SEMA3A: variants seen among roughly 807,000 people sequenced by gnomAD.
SEMA3A encodes semaphorin 3A, also known as semaphorin-3A.
SEMA3A carries 29 observed loss-of-function variants against 97.9 expected under a neutral mutation model. The observed-to-expected ratio is 0.30, with a 90% CI of 0.22 to 0.40. SEMA3A has a LOEUF of 0.40. Among genes scored for constraint, SEMA3A ranks in the 10% least tolerant of loss-of-function variants. The pLI is 1.00. For synonymous variants in SEMA3A, 321 were observed against 323.7 expected, an observed-to-expected ratio of 0.99 and a Z score of 0.09; for missense variants, 763 against 951.3, an observed-to-expected ratio of 0.80 and a Z score of 2.60.
intron 1 of SEMA3A, among the ~76,000 whole-genome samples, chr7:84,410,101 CTG>C (rs139385299): frequency 6.6e-6 from 1 of 152,016 alleles, no homozygotes; most frequent in African/African-American, 2.4e-5. Flanking sequence ...AAATACAAGA[CTG>C]TTAATTGTTT....
chr7:83,984,766 C>T (rs1464658892), intron 13 of SEMA3A, among the ~76,000 whole-genome samples: 1 of 151,806 alleles, frequency 6.6e-6, no homozygotes, highest in East Asian at 1.9e-4. Context: ...AAGTGTCTTG[C>T]CAAAGCATCC....
chr7:84,268,499 T>C (rs115679654), intron 3 of SEMA3A, among the ~76,000 whole-genome samples: 185 of 152,176 alleles, frequency 1.2e-3, no homozygotes, highest in African/African-American at 4.3e-3. Flanking sequence ...CCTACTTCAG[T>C]AGAGCCTAAA....
rs749140707 is a variant in SEMA3A at position 84,001,934 on chromosome 7, T to A, written c.1452+21A>T. On this transcript the variant is annotated intron_variant, in intron 12 of 16. Coordinates refer to ENST00000265362, the MANE Select transcript of SEMA3A (RefSeq NM_006080.3). ...GACGTACAACTGAACTTGTTGACAC[T>A]TGAAATTAAGCAGCACTCACCCGAA... 20 of 1,561,616 alleles carry A rather than the reference T, an allele frequency of 1.3e-5. No homozygotes were observed. The Admixed American group carries it at 3.1e-4, about 24-fold the overall frequency.
intron 6 of SEMA3A, among the ~76,000 whole-genome samples, chr7:84,037,151 T>G (rs1412966295): frequency 1.4e-5 from 2 of 144,900 alleles, no homozygotes; most frequent in African/African-American, 5.1e-5. Context: ...GCTAAGTTTT[T>G]TTTCTTTTTT....
At chr7:84,358,705 T>G (rs1272543709) in intron 2 of SEMA3A, among the ~76,000 whole-genome samples, 1 of 152,148 alleles carries the variant, frequency 6.6e-6, no homozygotes, top group Non-Finnish European at 1.5e-5. Flanking sequence ...GGGATGGCAT[T>G]GAATCTATAA....
At chr7:84,303,923 C>T (rs1801089978) in intron 3 of SEMA3A, among the ~76,000 whole-genome samples, 1 of 151,948 alleles carries the variant, frequency 6.6e-6, no homozygotes, top group Non-Finnish European at 1.5e-5. Flanking sequence ...AGAATGTAAC[C>T]CCATTGTAAG....
At chr7:84,162,638 A>C (rs879781587) in intron 1 of SEMA3A, among the ~76,000 whole-genome samples, 4 of 152,200 alleles carry the variant, frequency 2.6e-5, no homozygotes, top group Non-Finnish European at 5.9e-5. Context: ...TCAAAACACA[A>C]GTAGCAGCTC....
At chr7:83,977,867 G>A (rs897391540) in intron 14 of SEMA3A, among the ~76,000 whole-genome samples, 3 of 147,782 alleles carry the variant, frequency 2.0e-5, no homozygotes, top group Non-Finnish European at 3.0e-5. Context: ...GCAGTGGCGT[G>A]ATCTCGGCTC....
intron 4 of SEMA3A, among the ~76,000 whole-genome samples, chr7:84,078,092 T>C (rs1373256022): frequency 6.6e-6 from 1 of 152,110 alleles, no homozygotes; most frequent in African/African-American, 2.4e-5. Flanking sequence ...GTCTTTAACA[T>C]ATGGAATTTG....
At chr7:84,103,209 A>C (rs1795008183) in intron 4 of SEMA3A, among the ~76,000 whole-genome samples, 1 of 152,018 alleles carries the variant, frequency 6.6e-6, no homozygotes, top group South Asian at 2.1e-4. Context: ...ATTTTTCTCT[A>C]TCTCAACCAC....
At chr7:84,117,002 T>C (rs1398038132) in intron 3 of SEMA3A, among the ~76,000 whole-genome samples, 2 of 152,202 alleles carry the variant, frequency 1.3e-5, no homozygotes, top group South Asian at 2.1e-4. Context: ...ACATACATGG[T>C]AACAGAATTT....
intron 1 of SEMA3A, among the ~76,000 whole-genome samples, chr7:84,438,461 G>A (rs1200417848): frequency 6.6e-6 from 1 of 152,062 alleles, no homozygotes; most frequent in African/African-American, 2.4e-5. Context: ...GCTACAGTAA[G>A]TATGGTAGTT....
At chr7:84,400,497 GA>G (rs1428897881) in intron 1 of SEMA3A, among the ~76,000 whole-genome samples, 1 of 152,032 alleles carries the variant, frequency 6.6e-6, no homozygotes, top group Non-Finnish European at 1.5e-5. Flanking sequence ...GAACAAAACT[GA>G]AAAATGCATT....
At chr7:84,023,298 C>A (rs1248930191) in intron 6 of SEMA3A, among the ~76,000 whole-genome samples, 1 of 152,146 alleles carries the variant, frequency 6.6e-6, no homozygotes, top group Admixed American at 6.5e-5. Flanking sequence ...TCTAGTACAG[C>A]AACATTTTGA....
At chr7:84,244,167 T>G (rs1799428247) in intron 3 of SEMA3A, among the ~76,000 whole-genome samples, 1 of 152,164 alleles carries the variant, frequency 6.6e-6, no homozygotes, top group South Asian at 2.1e-4. Context: ...TTCTGTCTCA[T>G]TGATCTAATA....
chr7:84,002,128 T>C, intron 11 of SEMA3A, 82 bp from the exon 12 acceptor site: 2 of 782,690 alleles, frequency 2.6e-6, no homozygotes, highest in Admixed American at 2.7e-5. Flanking sequence ...TATGTATTTG[T>C]CAGACAAAGA....
At chr7:84,442,846 G>C (rs1805305861) in intron 1 of SEMA3A, among the ~76,000 whole-genome samples, 1 of 152,012 alleles carries the variant, frequency 6.6e-6, no homozygotes, top group African/African-American at 2.4e-5. Flanking sequence ...AGACAAAATG[G>C]ACTAAGACAA....
chr7:84,031,836 CAAAAAAT>C (rs1193447078), intron 6 of SEMA3A, among the ~76,000 whole-genome samples: 9 of 151,498 alleles, frequency 5.9e-5, no homozygotes, highest in South Asian at 2.1e-4. Flanking sequence ...AACTCCATCT[CAAAAAAT>C]AAAAAATAAA....
At chr7:84,263,853 C>T (rs1005379642) in intron 3 of SEMA3A, among the ~76,000 whole-genome samples, 4 of 152,114 alleles carry the variant, frequency 2.6e-5, no homozygotes, top group African/African-American at 9.7e-5. Context: ...GGAAATAATG[C>T]ACTCCAACCT....
Sources: allele counts gnomAD v4.1 joint callset (sites outside exome capture counted in the v4.1 genomes callset), GRCh38; gene constraint gnomAD v4.1.1; transcripts MANE v1.5; gene names NCBI Gene and HGNC (gene_info 2026-07-23, HGNC 2026-07-21).